Variants in SLC39A10 observed in about 807,000 individuals in gnomAD.
SLC39A10 encodes solute carrier family 39 member 10.
Under a neutral mutation model 65.1 loss-of-function variants are expected in SLC39A10, and 13 were observed. The observed-to-expected ratio is 0.20, with a 90% CI of 0.13 to 0.32. The LOEUF is 0.32. Ranked by LOEUF, SLC39A10 falls within the 10% of genes least tolerant of loss-of-function variation. The pLI is 1.00. For missense variants in SLC39A10, 831 were observed against 1,018.4 expected (o/e 0.82, Z 2.50); for synonymous variants, 321 against 342.2 (o/e 0.94, Z 0.68).
chr2:195,719,147 TC>T (rs1262276974), intron 8 of SLC39A10, among the ~76,000 whole-genome samples: 2 of 151,806 alleles, frequency 1.3e-5, no homozygotes, highest in Non-Finnish European at 2.9e-5. Flanking sequence ...TTTTTTTTTT[TC>T]GAATGCATTT....
chr2:195,692,848 A>G (rs1690796393), intron 3 of SLC39A10, among the ~76,000 whole-genome samples: 1 of 152,150 alleles, frequency 6.6e-6, no homozygotes, highest in Admixed American at 6.5e-5. Context: ...TGCTCTGGCT[A>G]GGACTTCCAG....
chr2:195,656,436 TAG>T (rs1323542941), upstream of SLC39A10, among the ~76,000 whole-genome samples: 1 of 152,116 alleles, frequency 6.6e-6, no homozygotes, highest in Admixed American at 6.5e-5. Flanking sequence ...TTTTTTGTCA[TAG>T]AGTGTTAAGA....
At chr2:195,669,832 C>T (rs1280077036) in intron 1 of SLC39A10, among the ~76,000 whole-genome samples, 1 of 151,988 alleles carries the variant, frequency 6.6e-6, no homozygotes, top group Non-Finnish European at 1.5e-5. Context: ...GAGCTCATCT[C>T]TATATGAAAA....
chr2:195,691,809 G>A (rs1356517806), intron 3 of SLC39A10, among the ~76,000 whole-genome samples: 1 of 152,200 alleles, frequency 6.6e-6, no homozygotes, highest in African/African-American at 2.4e-5. Context: ...CTCCCACTCC[G>A]TGGGTTTTCT....
intron 1 of SLC39A10, among the ~76,000 whole-genome samples, chr2:195,675,945 A>G (rs1690069096): frequency 6.6e-6 from 1 of 152,042 alleles, no homozygotes; most frequent in Non-Finnish European, 1.5e-5. Flanking sequence ...GTGAGATACT[A>G]ATTTTTGCCT....
intron 2 of SLC39A10, among the ~76,000 whole-genome samples, chr2:195,624,818 G>A (rs914472004): frequency 1.4e-5 from 2 of 146,570 alleles, no homozygotes; most frequent in Admixed American, 7.0e-5. Flanking sequence ...GGCGGAGATT[G>A]CAGTGAGCCG....
At chr2:195,655,969 C>CT (rs886744792), upstream of SLC39A10, among the ~76,000 whole-genome samples, 40 of 152,206 alleles carry the variant, frequency 2.6e-4, no homozygotes, top group African/African-American at 9.7e-4. Flanking sequence ...AATCCCAACT[C>CT]TTTTCTCTAC....
intron 1 of SLC39A10, among the ~76,000 whole-genome samples, chr2:195,667,078 G>T (rs545850212): frequency 2.4e-4 from 37 of 152,344 alleles, no homozygotes; most frequent in Non-Finnish European, 4.4e-4. Flanking sequence ...TTAAATCAAG[G>T]TATAAATGTT....
At chr2:195,663,898 C>T (rs1201005887) in intron 1 of SLC39A10, among the ~76,000 whole-genome samples, 1 of 150,754 alleles carries the variant, frequency 6.6e-6, no homozygotes, top group Non-Finnish European at 1.5e-5. Flanking sequence ...ATGATCCTGT[C>T]ATCCAGGTAC....
In SLC39A10 at chr2:195,617,609, G is replaced by A. The variant is rs971729756; in HGVS notation, c.-12+11376G>A. ...GAGATGACCGAGCATGGTGGCTCAC[G>A]CCTGTAAGTCGAGCACTTTGGGAGG... is the stretch of plus-strand genomic sequence containing the variant. On this transcript the variant is annotated intron_variant, in intron 2 of 2. Coordinates refer to the SLC39A10 transcript ENST00000458054. Among the ~76,000 whole-genome samples, 8 of 152,170 alleles carry A rather than the reference G, an allele frequency of 5.3e-5. No individual in the cohort carries two copies. The East Asian group carries it at 9.7e-4, about 18-fold the overall frequency.
At chr2:195,695,922 T>C (rs1690939280) in intron 3 of SLC39A10, among the ~76,000 whole-genome samples, 1 of 152,244 alleles carries the variant, frequency 6.6e-6, no homozygotes, top group African/African-American at 2.4e-5. Flanking sequence ...AGGTCATATA[T>C]TTAATTTAGG....
At chr2:195,639,778 A>G (rs551393961) in intron 2 of SLC39A10, among the ~76,000 whole-genome samples, 4 of 152,090 alleles carry the variant, frequency 2.6e-5, no homozygotes, top group Admixed American at 2.6e-4. Context: ...GTTTCGCCAT[A>G]TTGCCCAAGC....
rs926799566 is a variant in SLC39A10 at position 195,720,212 on chromosome 2, C to G, written c.2146+1880C>G. Among the ~76,000 whole-genome samples the G allele has an allele frequency of 2.6e-5, 4 of 152,348 alleles. No individual in the cohort carries two copies. In the East Asian group the frequency reaches 7.7e-4, roughly 29 times the overall value. ...AAAGTGCCGAGATTACAGGTGTGAG[C>G]CACTGCACCTGGCCTTAACTTTTTC... On this transcript the variant is annotated intron_variant, in intron 8 of 9. Transcript: ENST00000359634.
chr2:195,715,204 T>C (rs1327960491), intron 6 of SLC39A10, among the ~76,000 whole-genome samples: 1 of 152,110 alleles, frequency 6.6e-6, no homozygotes, highest in Non-Finnish European at 1.5e-5. Context: ...TATACTTACC[T>C]GGTATAATCA....
rs1690259620 is a variant in SLC39A10 at position 195,680,499 on chromosome 2, T to A, written c.457T>A (p.Cys153Ser). Reference sequence around the variant, plus strand: ...TGTATCCACAAAAAGAAACCATAAATGTGATCCAGAGAAAGAGACAGTTGA... The same window carrying A: ...TGTATCCACAAAAAGAAACCATAAAAGTGATCCAGAGAAAGAGACAGTTGA... ...TSVSTKRNHK[C>S]DPEKETVEVS... The change falls in exon 2 of 10, where the codon TGT (cysteine) becomes AGT (serine). Residue 153 changes from cysteine to serine, a missense_variant. Transcript: ENST00000359634. 1 of 1,614,022 alleles carries A rather than the reference T, an allele frequency of 6.2e-7. No individual in the cohort carries two copies. Among genetic ancestry groups the A allele is most frequent in the Non-Finnish European group, 8.5e-7 (1 of 1,180,038 alleles).
intron 6 of SLC39A10, among the ~76,000 whole-genome samples, chr2:195,713,931 CTT>C (rs111925254): frequency 8.2e-5 from 12 of 146,314 alleles, no homozygotes; most frequent in African/African-American, 1.5e-4. Flanking sequence ...ATGACAAAGA[CTT>C]TTTTTTTTTT....
intron 8 of SLC39A10, among the ~76,000 whole-genome samples, chr2:195,722,326 A>G (rs1010123297): frequency 2.0e-5 from 3 of 152,194 alleles, no homozygotes; most frequent in Non-Finnish European, 2.9e-5. Flanking sequence ...TGGATAGGCT[A>G]CTAGGGAAGA....
rs936014289 is a variant in SLC39A10, at chr2:195,639,232, G to A, written c.-12+32999G>A. On this transcript the variant is annotated intron_variant, in intron 2 of 2. Coordinates refer to the SLC39A10 transcript ENST00000458054. The stretch of plus-strand genomic sequence containing the variant: ...CTCCCAAAGTGTTGGGATTACAAGC[G>A]TGAGCCACTGTATCTGACTGACCTT... Among the ~76,000 whole-genome samples, 15 of 152,260 alleles carry A rather than the reference G, an allele frequency of 9.9e-5. No homozygotes were observed. In the East Asian group the frequency reaches 1.9e-3, roughly 20 times the overall value.
At chr2:195,633,350 C>T (rs1352703930) in intron 2 of SLC39A10, among the ~76,000 whole-genome samples, 3 of 152,208 alleles carry the variant, frequency 2.0e-5, no homozygotes, top group Non-Finnish European at 2.9e-5. Flanking sequence ...TTTTCAGCAC[C>T]GGCAGGAGCA....
Sources: gnomAD v4.1 joint callset for allele counts (sites outside exome capture counted in the v4.1 genomes callset) on GRCh38, gnomAD v4.1.1 for gene constraint, MANE v1.5 for transcripts, NCBI Gene and HGNC (gene_info 2026-07-23, HGNC 2026-07-21) for gene names.